Variants in PGM5 observed in about 807,000 individuals in gnomAD.
PGM5 encodes the protein phosphoglucomutase 5, also known as phosphoglucomutase-like protein 5.
Under a neutral mutation model 59.2 loss-of-function variants are expected in PGM5, and 23 were observed. The observed-to-expected ratio is 0.39, with a 90% CI of 0.28 to 0.55. The LOEUF (loss-of-function observed/expected upper bound fraction) is 0.55. Ranked by LOEUF, PGM5 falls within the 20% of genes least tolerant of loss-of-function variation. The probability of loss-of-function intolerance (pLI) is 0.66; values close to 1 mark genes in which losing one functional copy is unlikely to be tolerated. For synonymous variants in PGM5, 214 were observed against 286.0 expected, an observed-to-expected ratio of 0.75 and a Z score of 2.54; for missense variants, 574 against 748.3, an observed-to-expected ratio of 0.77 and a Z score of 2.72.
At chr9:68,378,400 T>C (rs782138386) in intron 2 of PGM5, 39 bp downstream of exon 2, 3 of 1,538,872 alleles carry the variant, frequency 1.9e-6, no homozygotes, top group Non-Finnish European at 2.6e-6. Context: ...TTACGATTTC[T>C]TTCCTCTTAT....
rs375205747 is a variant in PGM5 at position 68,463,913 on chromosome 9, G to A, written c.1044-1180G>A. Among the ~76,000 whole-genome samples the A allele has an allele frequency of 2.6e-5, 4 of 152,198 alleles. No homozygotes were observed. The East Asian group carries it at 7.7e-4, about 29-fold the overall frequency. ...AGTAGAAACCACAACCCCACCATAAGTCATAGGAGCTCCTCAACTTACGAT... is the reference window on the plus strand; with the variant it reads ...AGTAGAAACCACAACCCCACCATAAATCATAGGAGCTCCTCAACTTACGAT... On this transcript the variant is annotated intron_variant, in intron 6 of 10. Coordinates refer to ENST00000396396, the MANE Select transcript of PGM5 (RefSeq NM_021965.4).
rs547356423 is a variant in PGM5, at chr9:68,515,342, T to G, written c.1615-14225T>G. Among the ~76,000 whole-genome samples, 15 of 152,332 alleles carry G rather than the reference T, an allele frequency of 9.8e-5. No individual in the cohort carries two copies. The South Asian group carries it at 3.1e-3, about 32-fold the overall frequency. On this transcript the variant is annotated intron_variant, in intron 10 of 10. Transcript: ENST00000396396. ...GTTTTTAGTGCCTGGTGTTAATGAC[T>G]GTCCCACTACTGCCTCCTCCGTAAG...
chr9:68,366,406 C>A (rs1834679243), intron 1 of PGM5, among the ~76,000 whole-genome samples: 2 of 152,232 alleles, frequency 1.3e-5, no homozygotes, highest in Non-Finnish European at 2.9e-5. Context: ...TGAATGATAG[C>A]TTGTTGGTGA....
intron 10 of PGM5, among the ~76,000 whole-genome samples, chr9:68,525,534 T>C (rs1370956520): frequency 6.6e-6 from 1 of 152,186 alleles, no homozygotes; most frequent in African/African-American, 2.4e-5. Context: ...GGGGAAATGA[T>C]TGATATTTAG....
At chr9:68,472,730 C>A (rs1824041809) in intron 7 of PGM5, among the ~76,000 whole-genome samples, 1 of 152,242 alleles carries the variant, frequency 6.6e-6, no homozygotes, top group Non-Finnish European at 1.5e-5. Flanking sequence ...ATTTCAGACA[C>A]AGGCCCTTCC....
chr9:68,477,729 G>A (rs1414461715), intron 7 of PGM5, among the ~76,000 whole-genome samples: 1 of 152,200 alleles, frequency 6.6e-6, no homozygotes, highest in African/African-American at 2.4e-5. Context: ...AAGATCAACA[G>A]CAAAGATATG....
At chr9:68,480,771 G>T (rs1378564088) in intron 8 of PGM5, among the ~76,000 whole-genome samples, 1 of 152,070 alleles carries the variant, frequency 6.6e-6, no homozygotes, top group Non-Finnish European at 1.5e-5. Flanking sequence ...CCATTATTTT[G>T]GAAGGAAGAA....
chr9:68,473,109 G>A (rs188038549), intron 7 of PGM5, among the ~76,000 whole-genome samples: 2 of 152,038 alleles, frequency 1.3e-5, no homozygotes, highest in East Asian at 3.8e-4. Context: ...CCGATCGATC[G>A]ATCGATCTCC....
chr9:68,435,846 A>G (rs1823434142), intron 6 of PGM5, among the ~76,000 whole-genome samples: 1 of 152,006 alleles, frequency 6.6e-6, no homozygotes, highest in African/African-American at 2.4e-5. Context: ...TACAGTAGAA[A>G]CTCCATAAGA....
chr9:68,394,218 A>G (rs538969753), intron 6 of PGM5: 135 of 152,304 alleles, frequency 8.9e-4, no homozygotes, highest in African/African-American at 3.1e-3. Context: ...AATTGTACCC[A>G]TAAGATGCAT....
At chr9:68,447,608 G>A (rs541502896) in intron 6 of PGM5, among the ~76,000 whole-genome samples, 3 of 152,262 alleles carry the variant, frequency 2.0e-5, no homozygotes, top group Non-Finnish European at 4.4e-5. Flanking sequence ...TGAAATGTTA[G>A]CTGTTATTAT....
At chr9:68,465,326 A>G in intron 7 of PGM5, 118 bp downstream of exon 7, 2 of 682,194 alleles carry the variant, frequency 2.9e-6, no homozygotes, top group Non-Finnish European at 5.3e-6. Flanking sequence ...GAGGCAAAAA[A>G]TCAGAGAAAC....
At chr9:68,461,097 C>T (rs1047357434) in intron 6 of PGM5, among the ~76,000 whole-genome samples, 5 of 152,088 alleles carry the variant, frequency 3.3e-5, no homozygotes, top group African/African-American at 1.2e-4. Flanking sequence ...TTTCAATCCC[C>T]TAAAGTTAAA....
At position 68,478,673 on chromosome 9, in the gene PGM5, T is replaced by C. The variant is rs79864774; in HGVS notation, c.1160-745T>C. 1.6e-3 allele frequency among the ~76,000 whole-genome samples: 242 copies of C among 152,324 alleles called. No individual in the cohort carries two copies. The East Asian group carries it at 0.022, about 14-fold the overall frequency. On this transcript the variant is annotated intron_variant, in intron 7 of 10. Coordinates refer to ENST00000396396, the MANE Select transcript of PGM5 (RefSeq NM_021965.4). Reference sequence around the variant, plus strand: ...TCCATGACTTGTGGCGGCACAACTGTAATCTCTGCCTCTGTCTGCACATAG... The same window carrying C: ...TCCATGACTTGTGGCGGCACAACTGCAATCTCTGCCTCTGTCTGCACATAG...
intron 6 of PGM5, among the ~76,000 whole-genome samples, chr9:68,433,131 C>T (rs980336380): frequency 6.6e-6 from 1 of 152,114 alleles, no homozygotes; most frequent in African/African-American, 2.4e-5. Flanking sequence ...AAAGAGTGTG[C>T]TTTCAAATTT....
chr9:68,499,083 C>G (rs749864793), intron 9 of PGM5, 144 bp from the exon 10 acceptor site: 2 of 812,798 alleles, frequency 2.5e-6, no homozygotes, highest in Non-Finnish European at 4.0e-6. Flanking sequence ...TCATTACATG[C>G]CCTGTATCCA....
intron 6 of PGM5, chr9:68,400,673 G>T (rs1822643558): frequency 6.6e-6 from 1 of 152,586 alleles, no homozygotes; most frequent in African/African-American, 2.4e-5. Flanking sequence ...GGTGCATAAT[G>T]ACCCAATCTC....
intron 6 of PGM5, among the ~76,000 whole-genome samples, chr9:68,439,410 TA>T (rs1823491008): frequency 6.8e-6 from 1 of 146,472 alleles, no homozygotes; most frequent in African/African-American, 2.5e-5. Flanking sequence ...CTTATATATA[TA>T]AATATATATA....
intron 6 of PGM5, among the ~76,000 whole-genome samples, chr9:68,410,004 TG>T (rs1160295929): frequency 2.0e-5 from 3 of 152,154 alleles, no homozygotes; most frequent in Non-Finnish European, 4.4e-5. Context: ...GGATAGTGGC[TG>T]TTCTGCAAAG....
Sources: gnomAD v4.1 joint callset for allele counts (sites outside exome capture counted in the v4.1 genomes callset) on GRCh38, gnomAD v4.1.1 for gene constraint, MANE v1.5 for transcripts, NCBI Gene and HGNC (gene_info 2026-07-23, HGNC 2026-07-21) for gene names.